Variants in NFIB observed in about 807,000 individuals in gnomAD.
NFIB encodes nuclear factor I B.
A neutral mutation model predicts 61.5 loss-of-function variants in NFIB; 11 were observed. The observed-to-expected ratio is 0.18, with a 90% CI of 0.11 to 0.30. The LOEUF (loss-of-function observed/expected upper bound fraction) is 0.30. NFIB is among the 10% of genes least tolerant of loss of function. The pLI, the probability that NFIB is intolerant of heterozygous loss-of-function variation, is 1.00. For missense variants in NFIB, 471 were observed against 608.9 expected (o/e 0.77, Z 2.38); for synonymous variants, 260 against 216.5 (o/e 1.20, Z -1.76).
the NFIB span, among the ~76,000 whole-genome samples, chr9:14,422,071 T>C: frequency 6.6e-6 from 1 of 152,182 alleles, no homozygotes; most frequent in Non-Finnish European, 1.5e-5. Context: ...AATATAATCA[T>C]ATAAACAGGC....
rs1040801473 is a variant in NFIB at position 14,313,324 on chromosome 9, C to T, written c.30+158G>A. ...CCGTGGCGAGGGGCCGCTCCCGGCT[C>T]CCACGCCGCCCCGCGACGCCCGCTG... On this transcript the variant is annotated intron_variant, in intron 1 of 10. Transcript: ENST00000380953. The surrounding 1 kb of genome is among the most constrained non-coding windows in gnomAD (Gnocchi z 4.5). Among the ~76,000 whole-genome samples the T allele has an allele frequency of 6.6e-6, 1 of 151,772 alleles. No homozygotes were observed. Among genetic ancestry groups the T allele is most frequent in the East Asian group, 1.9e-4 (1 of 5,172 alleles).
chr9:14,173,796 G>GA (rs747353494), intron 3 of NFIB, among the ~76,000 whole-genome samples: 8 of 152,266 alleles, frequency 5.3e-5, no homozygotes, highest in South Asian at 2.1e-4. Context: ...GGGAGACATG[G>GA]AAAAATCTCC....
chr9:14,281,509 A>G (rs1265291152), intron 2 of NFIB, among the ~76,000 whole-genome samples: 1 of 152,242 alleles, frequency 6.6e-6, no homozygotes, highest in Non-Finnish European at 1.5e-5. Flanking sequence ...ACTTTACCCT[A>G]TAATTCCTAC....
chr9:14,158,796 T>A (rs13300925), intron 3 of NFIB, among the ~76,000 whole-genome samples: 5 of 152,140 alleles, frequency 3.3e-5, no homozygotes, highest in African/African-American at 9.7e-5. Context: ...TAGGGTCGGA[T>A]TGTATCTCTT....
At chr9:14,203,939 A>T (rs929832670) in intron 2 of NFIB, among the ~76,000 whole-genome samples, 4 of 152,144 alleles carry the variant, frequency 2.6e-5, no homozygotes, top group African/African-American at 9.7e-5. Context: ...GGAAAAAAAA[A>T]TGTTAAAAAA....
In NFIB at chr9:14,083,096, T is replaced by TA. The variant is rs34054280; in HGVS notation, c.*5212dup. Reference sequence around the variant, plus strand: ...ATTAACTAGTGAACCCTTTTATTATTAAAAAAAAAAAAAAACTACTTACAA... The same window carrying TA: ...ATTAACTAGTGAACCCTTTTATTATTAAAAAAAAAAAAAAAACTACTTACAA... On this transcript the variant is annotated 3_prime_UTR_variant, in exon 11 of 11. Coordinates refer to ENST00000380953, the MANE Select transcript of NFIB (RefSeq NM_001190737.2). 2.0e-3 allele frequency: 363 copies of TA among 180,336 alleles called. 1 individual carries two copies. Among genetic ancestry groups the TA allele is most frequent in the East Asian group, 5.7e-3 (64 of 11,230 alleles). The allele number at this position is 180,336 out of a possible 1,614,324, so 11.2% of individuals were successfully genotyped here. A position where few individuals can be genotyped will look rare whatever the true frequency, so the allele number is the denominator to read the frequency against.
intron 2 of NFIB, among the ~76,000 whole-genome samples, chr9:14,287,784 G>A (rs765724656): frequency 6.6e-6 from 1 of 152,122 alleles, no homozygotes; most frequent in Admixed American, 6.5e-5. Flanking sequence ...TTCTGGAAGA[G>A]GCATCATTTA....
the NFIB span, among the ~76,000 whole-genome samples, chr9:14,433,618 G>T: frequency 6.6e-6 from 1 of 151,986 alleles, no homozygotes; most frequent in African/African-American, 2.4e-5. Context: ...CCCTGGCAAG[G>T]CTCAAAAGCA....
At chr9:14,346,451 A>G (rs1319002562) in intron 1 of NFIB, among the ~76,000 whole-genome samples, 1 of 152,120 alleles carries the variant, frequency 6.6e-6, no homozygotes, top group Non-Finnish European at 1.5e-5. Context: ...GGCAGGGTCA[A>G]GTCCGATTTC....
At chr9:14,386,019 G>A (rs1460676245) in intron 1 of NFIB, among the ~76,000 whole-genome samples, 2 of 152,070 alleles carry the variant, frequency 1.3e-5, no homozygotes, top group South Asian at 4.1e-4. Context: ...CTGACCTCAG[G>A]TGATCTACCC....
chr9:14,467,092 C>T, the NFIB span, among the ~76,000 whole-genome samples: 3 of 152,094 alleles, frequency 2.0e-5, no homozygotes, highest in African/African-American at 7.2e-5. Context: ...AGAGAGACTT[C>T]TAGGTTTCCC....
chr9:14,448,168 T>C, the NFIB span, among the ~76,000 whole-genome samples: 5 of 152,168 alleles, frequency 3.3e-5, no homozygotes, highest in East Asian at 1.9e-4. Context: ...TGACTGTCAA[T>C]TAAAGCAAAA....
At chr9:14,201,801 TA>T (rs141196920) in intron 2 of NFIB, among the ~76,000 whole-genome samples, 21,038 of 146,684 alleles carry the variant, frequency 0.14, 1,713 homozygotes, top group East Asian at 0.41. Context: ...AAAGTAACCT[TA>T]AAAAAAAAAA....
intron 1 of NFIB, among the ~76,000 whole-genome samples, chr9:14,334,021 C>T (rs552413356): frequency 6.6e-6 from 1 of 152,352 alleles, no homozygotes; most frequent in South Asian, 2.1e-4. Flanking sequence ...TGACATTCCT[C>T]TCTGCGATTG....
intron 2 of NFIB, among the ~76,000 whole-genome samples, chr9:14,267,198 G>C (rs891597079): frequency 4.6e-5 from 7 of 152,014 alleles, no homozygotes; most frequent in African/African-American, 1.7e-4. Context: ...ACACATAATA[G>C]GAAAAAGGTA....
At chr9:14,273,365 C>T (rs1353109200) in intron 2 of NFIB, among the ~76,000 whole-genome samples, 3 of 152,052 alleles carry the variant, frequency 2.0e-5, no homozygotes, top group Non-Finnish European at 4.4e-5. Context: ...GGAGTTAATG[C>T]CTCCCTTCTC....
At chr9:14,264,895 C>T (rs965038331) in intron 2 of NFIB, among the ~76,000 whole-genome samples, 1 of 151,662 alleles carries the variant, frequency 6.6e-6, no homozygotes, top group African/African-American at 2.4e-5. Flanking sequence ...AGTTAGGTTC[C>T]GTGACTTCCC....
chr9:14,215,817 C>G (rs2050793984), intron 2 of NFIB, among the ~76,000 whole-genome samples: 1 of 152,296 alleles, frequency 6.6e-6, no homozygotes, highest in Admixed American at 6.5e-5. Flanking sequence ...AACTATCTTG[C>G]CCACTCACTT....
At chr9:14,293,380 C>T (rs554505123) in intron 2 of NFIB, among the ~76,000 whole-genome samples, 1 of 152,298 alleles carries the variant, frequency 6.6e-6, no homozygotes, top group African/African-American at 2.4e-5. Flanking sequence ...TAGAATTGAA[C>T]CAACACTTCA....
Sources: allele counts gnomAD v4.1 joint callset (sites outside exome capture counted in the v4.1 genomes callset), GRCh38; gene constraint gnomAD v4.1.1; non-coding constraint Gnocchi (gnomAD v3.1); transcripts MANE v1.5; gene names NCBI Gene and HGNC (gene_info 2026-07-23, HGNC 2026-07-21).